STK40: variants seen among roughly 807,000 people sequenced by gnomAD.
STK40 encodes the protein serine/threonine-protein kinase 40.
Under a neutral mutation model 47.9 loss-of-function variants are expected in STK40, and 13 were observed. The observed-to-expected ratio is 0.27, with a 90% CI of 0.18 to 0.43. The LOEUF (loss-of-function observed/expected upper bound fraction) is 0.43, where lower values mean the gene tolerates loss of function less well. Ranked by LOEUF, STK40 falls within the 20% of genes least tolerant of loss-of-function variation. The pLI is 1.00. For synonymous variants in STK40, 225 were observed against 243.2 expected (o/e 0.93, Z 0.69); for missense variants, 460 against 595.1 (o/e 0.77, Z 2.36).
chr1:36,357,768 C>T (rs1459670734), intron 4 of STK40, among the ~76,000 whole-genome samples: 2 of 152,062 alleles, frequency 1.3e-5, no homozygotes, highest in Non-Finnish European at 2.9e-5. Flanking sequence ...AGGTGTGCGC[C>T]GCCATGCCCA....
chr1:36,361,391 T>C lies in STK40; in HGVS notation c.-8-51A>G, dbSNP rs1646851144. On this transcript the variant is annotated intron_variant, in intron 1 of 10. Transcript: ENST00000373132. ...TCACTGAGTAAGTCAGCGAGTTTCC[T>C]TATGCTAACCCAGCCTGCAGGCCTT... The C allele has an allele frequency of 3.1e-6, 5 of 1,609,326 alleles. No individual in the cohort carries two copies. In the Admixed American group the frequency reaches 5.0e-5, roughly 16 times the overall value.
chr1:36,361,148 C>CA (rs750474675), intron 2 of STK40, 73 bp downstream of exon 2: 1 of 1,570,870 alleles, frequency 6.4e-7, no homozygotes, highest in Non-Finnish European at 8.7e-7. Flanking sequence ...GTCTGTAGGT[C>CA]AGATCATGCG....
chr1:36,363,849 C>G (rs1025940803), intron 1 of STK40, among the ~76,000 whole-genome samples: 2 of 143,656 alleles, frequency 1.4e-5, no homozygotes, highest in Non-Finnish European at 3.0e-5. Flanking sequence ...TAGTCACGCA[C>G]ATACAAGTAT....
intron 1 of STK40, among the ~76,000 whole-genome samples, chr1:36,366,502 G>A (rs1199898309): frequency 1.3e-5 from 2 of 152,164 alleles, no homozygotes; most frequent in Non-Finnish European, 2.9e-5. Context: ...TACTAGTAGG[G>A]TGAGCAAAGA....
Position 36,343,452 on chromosome 1 carries a change from C to T in STK40, c.1005-4G>A, listed in dbSNP as rs765737639. 1.9e-6 allele frequency: 3 copies of T among 1,612,254 alleles called. No homozygotes were observed. The highest frequency in any genetic ancestry group is 1.1e-5 in the South Asian group (1 of 90,628). On this transcript the variant is annotated splice_polypyrimidine_tract_variant and splice_region_variant and intron_variant, in intron 9 of 10. Transcript: ENST00000373132. ...ACTCAGAGATGACAGGGACTGCCTG[C>T]AGGGAGGCAGACAGGTCAGGCTGGC...
intron 1 of STK40, among the ~76,000 whole-genome samples, chr1:36,368,594 T>A (rs995777359): frequency 2.0e-5 from 3 of 152,178 alleles, no homozygotes; most frequent in Non-Finnish European, 4.4e-5. Context: ...AATTTGAATC[T>A]AATCATGAAA....
intron 6 of STK40, among the ~76,000 whole-genome samples, chr1:36,353,886 G>A (rs1399026030): frequency 6.6e-6 from 1 of 152,144 alleles, no homozygotes; most frequent in Non-Finnish European, 1.5e-5. Flanking sequence ...CCTATGGCAA[G>A]GCATCATTTT....
rs574640762 is a variant in STK40, at chr1:36,341,347, G to A, written c.*408C>T. The A allele has an allele frequency of 7.5e-5, 13 of 174,442 alleles. No homozygotes were observed. In the East Asian group the frequency reaches 2.2e-3, roughly 29 times the overall value. The allele number at this position is 174,442 out of a possible 1,614,324, so 10.8% of individuals were successfully genotyped here. ...GGGGAAGCTCGCTCTGGGGCCTGCAGCGAGCTGCACTTTCAGCTTATTTGG... is the reference window on the plus strand; with the variant it reads ...GGGGAAGCTCGCTCTGGGGCCTGCAACGAGCTGCACTTTCAGCTTATTTGG... On this transcript the variant is annotated 3_prime_UTR_variant, in exon 11 of 11. Transcript: ENST00000373132.
intron 6 of STK40, among the ~76,000 whole-genome samples, chr1:36,353,250 G>A (rs1159235876): frequency 1.3e-5 from 2 of 152,204 alleles, no homozygotes; most frequent in African/African-American, 4.8e-5. Context: ...AATGGGTGGG[G>A]GCGGAGTGGG....
chr1:36,374,420 T>TA (rs1646974823), intron 1 of STK40, among the ~76,000 whole-genome samples: 1 of 152,052 alleles, frequency 6.6e-6, no homozygotes, highest in Non-Finnish European at 1.5e-5. Context: ...TACATGGAGT[T>TA]AGAGACCGGT....
chr1:36,375,215 T>C (rs1374854896), intron 1 of STK40, among the ~76,000 whole-genome samples: 1 of 152,152 alleles, frequency 6.6e-6, no homozygotes, highest in Non-Finnish European at 1.5e-5. Context: ...TTAGAAATGT[T>C]ACGTTTCCTG....
chr1:36,354,743 G>A lies in STK40; in HGVS notation c.571-327C>T, dbSNP rs143959790. 2.1e-4 allele frequency among the ~76,000 whole-genome samples: 32 copies of A among 152,264 alleles called. No individual in the cohort carries two copies. The East Asian group carries it at 4.8e-3, about 23-fold the overall frequency. On this transcript the variant is annotated intron_variant, in intron 5 of 10. Transcript: ENST00000373132. The stretch of plus-strand genomic sequence containing the variant: ...CATTCCATGGACAGGATGGATCTGG[G>A]GGTCGGGGAGGAGCTGTCATGGCTT...
At chr1:36,356,179 G>A (rs1263397286) in intron 4 of STK40, among the ~76,000 whole-genome samples, 1 of 152,160 alleles carries the variant, frequency 6.6e-6, no homozygotes, top group African/African-American at 2.4e-5. Context: ...CCTGTGCTTA[G>A]GTCATGCACT....
At chr1:36,369,945 C>T (rs1646931171) in intron 1 of STK40, among the ~76,000 whole-genome samples, 1 of 152,230 alleles carries the variant, frequency 6.6e-6, no homozygotes, top group Non-Finnish European at 1.5e-5. Flanking sequence ...CAGGAAAACT[C>T]TGTCCAAGGA....
At chr1:36,364,724 T>C (rs1014080329) in intron 1 of STK40, among the ~76,000 whole-genome samples, 4 of 152,022 alleles carry the variant, frequency 2.6e-5, no homozygotes, top group Non-Finnish European at 5.9e-5. Context: ...TTTGGGAGGC[T>C]GAGGCGGGAG....
chr1:36,373,801 T>C (rs1429035770), intron 1 of STK40, among the ~76,000 whole-genome samples: 2 of 152,248 alleles, frequency 1.3e-5, no homozygotes, highest in African/African-American at 4.8e-5. Flanking sequence ...ATTTAATGCA[T>C]AATATCACAT....
At chr1:36,369,979 C>A (rs924075601) in intron 1 of STK40, among the ~76,000 whole-genome samples, 9 of 152,114 alleles carry the variant, frequency 5.9e-5, no homozygotes, top group Non-Finnish European at 1.3e-4. Flanking sequence ...GGAGTGGGAC[C>A]CTGAAGAAAG....
At chr1:36,347,498 A>G (rs887462667) in intron 7 of STK40, among the ~76,000 whole-genome samples, 1 of 152,202 alleles carries the variant, frequency 6.6e-6, no homozygotes, top group Non-Finnish European at 1.5e-5. Flanking sequence ...CATCTCTCTG[A>G]GCCTCAATTT....
chr1:36,354,226 A>C (rs1646782743), intron 6 of STK40, 138 bp downstream of exon 6: 1 of 880,770 alleles, frequency 1.1e-6, no homozygotes, highest in African/African-American at 1.7e-5. Flanking sequence ...TCCCATCCCG[A>C]GCCCTGGGAT....
Sources: allele counts gnomAD v4.1 joint callset (sites outside exome capture counted in the v4.1 genomes callset), GRCh38; gene constraint gnomAD v4.1.1; transcripts MANE v1.5; gene names NCBI Gene and HGNC (gene_info 2026-07-23, HGNC 2026-07-21).